Variants in YY1 observed in about 807,000 individuals in gnomAD.
The protein encoded by YY1 is transcriptional repressor protein YY1.
Under a neutral mutation model 35.6 loss-of-function variants are expected in YY1, and 2 were observed. That is an observed-to-expected ratio of 0.06 (90% CI 0.02 to 0.18). The LOEUF is 0.18. Among genes scored for constraint, YY1 ranks in the 10% least tolerant of loss-of-function variants. The pLI is 1.00. For missense variants in YY1, 322 were observed against 573.4 expected, an observed-to-expected ratio of 0.56 and a Z score of 4.48; for synonymous variants, 268 against 238.9, an observed-to-expected ratio of 1.12 and a Z score of -1.12.
rs1304987546 is a variant in YY1, at chr14:100,280,854, G to T, written c.*3254G>T. On this transcript the variant is annotated 3_prime_UTR_variant, in exon 5 of 5. Coordinates refer to ENST00000262238, the MANE Select transcript of YY1 (RefSeq NM_003403.5). ...TGCACTCTGCCTTGCAAAACTTACT[G>T]TGGAGACGTGTCCCAGACTGGTCTC... The T allele has an allele frequency of 6.6e-6, 1 of 152,040 alleles. No homozygotes were observed. Among genetic ancestry groups the T allele is most frequent in the Non-Finnish European group, 1.5e-5 (1 of 68,008 alleles). 9.4% of individuals were successfully genotyped at this position (152,040 alleles called of 1,614,324 possible).
At position 100,239,352 on chromosome 14, in the gene YY1, C is replaced by T. The variant is rs1420372409; in HGVS notation, c.108C>T (p.Ile36=). The part of the protein sequence containing the change: ...IEVETIPVET[I]ETTVVGEEEE... ...TGGAGACCATCCCGGTGGAGACCAT[C>T]GAGACCACAGTGGTGGGCGAGGAGG... Residue 36 remains isoleucine, a synonymous_variant, in exon 1 of 5, where the codon ATC becomes ATT. Coordinates refer to ENST00000262238, the MANE Select transcript of YY1 (RefSeq NM_003403.5). 2 of 1,604,110 alleles carry T rather than the reference C, an allele frequency of 1.2e-6. No individual in the cohort carries two copies. The highest frequency in any genetic ancestry group is 8.5e-7 in the Non-Finnish European group (1 of 1,176,094).
chr14:100,277,154 C>T lies in YY1; in HGVS notation c.1063-264C>T, dbSNP rs1891333418. 3.6e-6 allele frequency: 2 copies of T among 550,454 alleles called. No individual in the cohort carries two copies. Among genetic ancestry groups the T allele is most frequent in the South Asian group, 2.1e-5 (1 of 47,068 alleles). 34.1% of individuals were successfully genotyped at this position (550,454 alleles called of 1,614,324 possible). Reference sequence around the variant, plus strand: ...ATTTTACTGTTGGAAATGTTTACAGCAGCACTAGGACTCTAGCCTGCATTT... The same window carrying T: ...ATTTTACTGTTGGAAATGTTTACAGTAGCACTAGGACTCTAGCCTGCATTT... On this transcript the variant is annotated intron_variant, in intron 4 of 4. Coordinates refer to ENST00000262238, the MANE Select transcript of YY1 (RefSeq NM_003403.5). The surrounding 1 kb of genome is among the most constrained non-coding windows in gnomAD (Gnocchi z 5.6).
chr14:100,239,478 C>T lies in YY1; in HGVS notation c.234C>T (p.His78=), dbSNP rs1315892935. 12 of 1,605,584 alleles carry T rather than the reference C, an allele frequency of 7.5e-6. No homozygotes were observed. The highest frequency in any genetic ancestry group is 2.7e-5 in the African/African-American group (2 of 74,280). Residue 78 remains histidine (H), a synonymous_variant, in exon 1 of 5, where the codon CAC becomes CAT. Transcript: ENST00000262238. ...ACCACCACCACCACCATCACCACCA[C>T]CACCACCCGCCCATGATCGCTCTGC... The part of the protein sequence containing the change: ...AGHHHHHHHH[H]HHPPMIALQP...
Position 100,239,541 on chromosome 14 carries a change from C to A in YY1, c.297C>A (p.His99Gln). 1 of 1,612,438 alleles carries A rather than the reference C, an allele frequency of 6.2e-7. No individual in the cohort carries two copies. Among genetic ancestry groups the A allele is most frequent in the Non-Finnish European group, 8.5e-7 (1 of 1,179,724 alleles). ...CCGACGACCCGACCCAGGTGCACCA[C>A]CACCAGGAGGTGATCCTGGTGCAGA... ...LVTDDPTQVH[H>Q]HQEVILVQTR... The change falls in exon 1 of 5, where the codon CAC (histidine) becomes CAA (glutamine). Residue 99 changes from histidine to glutamine, a missense_variant. His to Gln is a conservative substitution (Grantham distance 24, BLOSUM62 0). This residue lies in a region of YY1 where 137 missense variants were observed against 167.0 expected (regional missense o/e 0.82). Transcript: ENST00000262238.
chr14:100,257,954 G>C (rs1435257713), intron 1 of YY1, among the ~76,000 whole-genome samples: 1 of 152,066 alleles, frequency 6.6e-6, no homozygotes. Flanking sequence ...AGGTAACATA[G>C]TGAGACCACA....
chr14:100,242,378 G>GTTTTTTTTTTT (rs57406488), intron 1 of YY1, among the ~76,000 whole-genome samples: 22 of 109,930 alleles, frequency 2.0e-4, no homozygotes, highest in Non-Finnish European at 2.8e-4. Flanking sequence ...TTTGTTTTTT[G>GTTTTTTTTTTT]TTTTTTTTTT....
rs976649365 is a variant in YY1, at chr14:100,261,279, T to G, written c.680-1025T>G. Among the ~76,000 whole-genome samples, 5 of 152,086 alleles carry G rather than the reference T, an allele frequency of 3.3e-5. 1 individual carries two copies. In the South Asian group the frequency reaches 1.0e-3, roughly 32 times the overall value. On this transcript the variant is annotated intron_variant, in intron 1 of 4. Transcript: ENST00000262238. ...ATCTCAGCTCACTGCAAACTCTGCC[T>G]CCCAGTTCAAGCAATTCTCCTGCCT...
intron 1 of YY1, among the ~76,000 whole-genome samples, chr14:100,244,842 A>G (rs561992155): frequency 3.4e-4 from 51 of 152,188 alleles, no homozygotes; most frequent in African/African-American, 1.1e-3. Context: ...TATGGGTGTG[A>G]GCCACTGTGC....
At chr14:100,242,096 C>T (rs1890755690) in intron 1 of YY1, among the ~76,000 whole-genome samples, 1 of 151,086 alleles carries the variant, frequency 6.6e-6, no homozygotes, top group East Asian at 2.0e-4. Context: ...GGTAAAGATA[C>T]ATTAACCACA....
chr14:100,257,063 G>A (rs959981057), intron 1 of YY1, among the ~76,000 whole-genome samples: 3 of 152,102 alleles, frequency 2.0e-5, no homozygotes, highest in African/African-American at 7.2e-5. Flanking sequence ...TGTTGGTAGT[G>A]TATGCCACTT....
At position 100,269,198 on chromosome 14, in the gene YY1, T is replaced by C. The variant is rs145824613; in HGVS notation, c.843-5500T>C. Among the ~76,000 whole-genome samples the C allele has an allele frequency of 4.7e-4, 71 of 152,322 alleles. 2 individuals are homozygous for C. The highest frequency in any genetic ancestry group is 1.6e-3 in the African/African-American group (65 of 41,568). ...TTCTCAGTCCTTTATCGAAGGGTGG[T>C]TAAGAATGAACTCATTTTTAGCTAG... On this transcript the variant is annotated intron_variant, in intron 2 of 4. Coordinates refer to ENST00000262238, the MANE Select transcript of YY1 (RefSeq NM_003403.5).
At chr14:100,261,081 G>C (rs1891080581) in intron 1 of YY1, among the ~76,000 whole-genome samples, 1 of 151,878 alleles carries the variant, frequency 6.6e-6, no homozygotes, top group African/African-American at 2.4e-5. Context: ...ACAGGCATGA[G>C]CCACTGCACC....
chr14:100,239,764 A>C lies in YY1; in HGVS notation c.520A>C (p.Lys174Gln), dbSNP rs1247704599. 1 of 1,573,340 alleles carries C rather than the reference A, an allele frequency of 6.4e-7. No homozygotes were observed. The highest frequency in any genetic ancestry group is 8.6e-7 in the Non-Finnish European group (1 of 1,164,454). The change falls in exon 1 of 5, where the codon AAG (lysine) becomes CAG (glutamine). Residue 174 changes from lysine to glutamine, a missense_variant. Transcript: ENST00000262238. ...GTCGTCGGGAGGCGGCCGCGTCAAG[A>C]AGGGCGGCGGCAAGAAGAGCGGCAA... ...SSSSGGGRVK[K>Q]GGGKKSGKKS...
At position 100,278,564 on chromosome 14, in the gene YY1, A is replaced by G. The variant is rs1368601922; in HGVS notation, c.*964A>G. ...TTGAGCCTCCCAGAAATTGGAAGCT[A>G]AATAAAGCAACTCAAGTTTCCTTTA... On this transcript the variant is annotated 3_prime_UTR_variant, in exon 5 of 5. Coordinates refer to ENST00000262238, the MANE Select transcript of YY1 (RefSeq NM_003403.5). 6.6e-6 allele frequency: 1 copy of G among 152,260 alleles called. No individual in the cohort carries two copies. Among genetic ancestry groups the G allele is most frequent in the African/African-American group, 2.4e-5 (1 of 41,470 alleles). 9.4% of individuals were successfully genotyped at this position (152,260 alleles called of 1,614,324 possible).
In YY1 at chr14:100,249,100, A is replaced by ATTTTTTTTTTT. The variant is rs60088505; in HGVS notation, c.679+9202_679+9212dup. 2.3e-4 allele frequency among the ~76,000 whole-genome samples: 11 copies of ATTTTTTTTTTT among 46,832 alleles called. 4 individuals carry two copies. Among genetic ancestry groups the ATTTTTTTTTTT allele is most frequent in the Non-Finnish European group, 3.6e-4 (9 of 25,196 alleles). The allele number at this position is 46,832 out of a possible 152,430, so 30.7% of individuals were successfully genotyped here. On this transcript the variant is annotated intron_variant, in intron 1 of 4. Coordinates refer to ENST00000262238, the MANE Select transcript of YY1 (RefSeq NM_003403.5). Reference sequence around the variant, plus strand: ...TTTGTGATGGACTCTTTCTCGTGTAATTTTTTTTTTTTTTTTTTTTTTTTT... The same window carrying ATTTTTTTTTTT: ...TTTGTGATGGACTCTTTCTCGTGTAATTTTTTTTTTTTTTTTTTTTTTTTTTTTTTTTTTTT...
At chr14:100,246,568 C>T (rs564147119) in intron 1 of YY1, among the ~76,000 whole-genome samples, 1 of 152,210 alleles carries the variant, frequency 6.6e-6, no homozygotes, top group Non-Finnish European at 1.5e-5. Flanking sequence ...TATTCTGTTA[C>T]ACTGAATAGA....
At chr14:100,240,177 G>T (rs1306164469) in intron 1 of YY1, among the ~76,000 whole-genome samples, 1 of 145,368 alleles carries the variant, frequency 6.9e-6, no homozygotes, top group Non-Finnish European at 1.5e-5. Flanking sequence ...CCGAGAGGGG[G>T]AAGCGCCGCG....
chr14:100,262,607 A>G (rs951770392), intron 2 of YY1, 141 bp downstream of exon 2: 14 of 987,166 alleles, frequency 1.4e-5, no homozygotes, highest in South Asian at 3.1e-5. Flanking sequence ...AGTCAGTTTT[A>G]TTTGTTTGTT....
chr14:100,266,336 G>A lies in YY1; in HGVS notation c.842+3870G>A, dbSNP rs183405915. Among the ~76,000 whole-genome samples the A allele has an allele frequency of 3.5e-3, 535 of 152,248 alleles. 2 individuals are homozygous for A. The highest frequency in any genetic ancestry group is 6.8e-3 in the Middle Eastern group (2 of 294). ...GAGACTCAGGAGGTACGAGAGAGAG[G>A]AATAAAACCTCTTTGGATTATACAT... On this transcript the variant is annotated intron_variant, in intron 2 of 4. Coordinates refer to ENST00000262238, the MANE Select transcript of YY1 (RefSeq NM_003403.5).
Sources: allele counts gnomAD v4.1 joint callset (sites outside exome capture counted in the v4.1 genomes callset), GRCh38; gene constraint gnomAD v4.1.1; regional missense constraint gnomAD v4.1.1; non-coding constraint Gnocchi (gnomAD v3.1); transcripts MANE v1.5; gene names NCBI Gene and HGNC (gene_info 2026-07-23, HGNC 2026-07-21).